DLGAP2: variants seen among roughly 807,000 people sequenced by gnomAD.
The protein encoded by DLGAP2 is DLG associated protein 2, also known as disks large-associated protein 2.
In DLGAP2, 26 loss-of-function variants were observed where a neutral mutation model predicts 100.3. The observed-to-expected ratio is 0.26, with a 90% CI of 0.19 to 0.36. The LOEUF is 0.36. Ranked by LOEUF, DLGAP2 falls within the 10% of genes least tolerant of loss-of-function variation. DLGAP2 has a pLI of 1.00. For missense variants in DLGAP2, 1,858 were observed against 1,453.2 expected, an observed-to-expected ratio of 1.28 and a Z score of -4.53; for synonymous variants, 886 against 630.1, an observed-to-expected ratio of 1.41 and a Z score of -6.08.
At chr8:966,477 T>G (rs894993223) in intron 2 of DLGAP2, among the ~76,000 whole-genome samples, 3 of 152,264 alleles carry the variant, frequency 2.0e-5, no homozygotes, top group African/African-American at 7.2e-5. Flanking sequence ...GTTGAGTTAG[T>G]AACTCTAAAT....
At chr8:845,200 A>T (rs936809320) in intron 1 of DLGAP2, among the ~76,000 whole-genome samples, 1 of 152,168 alleles carries the variant, frequency 6.6e-6, no homozygotes, top group Non-Finnish European at 1.5e-5. Flanking sequence ...AATTGTTTGA[A>T]CATTTTCAGG....
Position 770,044 on chromosome 8 carries a change from C to G in DLGAP2, c.18+32219C>G, listed in dbSNP as rs139869983. ...CTTTAAGTACGAATAATAGTAAGAA[C>G]TTACATGCATGCATCGTTTTCCTAC... On this transcript the variant is annotated intron_variant, in intron 1 of 14. Transcript: ENST00000637795. Among the ~76,000 whole-genome samples the G allele has an allele frequency of 9.2e-4, 140 of 152,336 alleles. 1 individual carries two copies. The highest frequency in any genetic ancestry group is 3.3e-3 in the African/African-American group (138 of 41,578).
chr8:1,621,313 A>G (rs942671712), intron 6 of DLGAP2: 4 of 153,020 alleles, frequency 2.6e-5, no homozygotes, highest in South Asian at 2.1e-4. Flanking sequence ...GGACCAGGGC[A>G]GAGGAGAGCC....
chr8:826,290 C>T (rs536009331), intron 1 of DLGAP2, among the ~76,000 whole-genome samples: 1 of 152,338 alleles, frequency 6.6e-6, no homozygotes, highest in East Asian at 1.9e-4. Flanking sequence ...TCAACATGGG[C>T]ATGCAGATAC....
chr8:1,195,417 T>C (rs1797730541), intron 2 of DLGAP2, among the ~76,000 whole-genome samples: 1 of 152,008 alleles, frequency 6.6e-6, no homozygotes, highest in African/African-American at 2.4e-5. Context: ...AAAAACATGG[T>C]GAAGTGTTTT....
intron 2 of DLGAP2, among the ~76,000 whole-genome samples, chr8:1,025,310 C>T (rs1362518150): frequency 9.9e-5 from 15 of 152,240 alleles, no homozygotes; most frequent in Admixed American, 5.9e-4. Context: ...AACTTCATGA[C>T]GTGTCTGAAG....
At chr8:856,688 A>G (rs1563066034) in intron 1 of DLGAP2, among the ~76,000 whole-genome samples, 1 of 152,258 alleles carries the variant, frequency 6.6e-6, no homozygotes, top group Non-Finnish European at 1.5e-5. Context: ...TAAGATCTAT[A>G]TGAGGAAAAC....
At chr8:1,595,673 C>A (rs866389081) in intron 6 of DLGAP2, among the ~76,000 whole-genome samples, 194 of 98,370 alleles carry the variant, frequency 2.0e-3, no homozygotes, top group South Asian at 5.5e-3. Context: ...GACTCCGTCT[C>A]AAAAAAAAAA....
At chr8:1,527,332 C>T (rs1800828826) in intron 4 of DLGAP2, among the ~76,000 whole-genome samples, 2 of 152,256 alleles carry the variant, frequency 1.3e-5, no homozygotes. Flanking sequence ...CCACTGATCC[C>T]CTCCGGGAGG....
chr8:790,939 C>A (rs569910015), intron 1 of DLGAP2, among the ~76,000 whole-genome samples: 1 of 152,206 alleles, frequency 6.6e-6, no homozygotes, highest in African/African-American at 2.4e-5. Flanking sequence ...GATGAGGTTT[C>A]ACCATGTTGC....
chr8:1,223,065 C>T (rs1189229543), intron 2 of DLGAP2, among the ~76,000 whole-genome samples: 7 of 152,152 alleles, frequency 4.6e-5, no homozygotes, highest in Non-Finnish European at 1.0e-4. Flanking sequence ...CCTGCCAGCT[C>T]AGAGGTCTGT....
At chr8:1,207,785 T>C (rs1037526123) in intron 2 of DLGAP2, among the ~76,000 whole-genome samples, 2 of 152,230 alleles carry the variant, frequency 1.3e-5, no homozygotes, top group African/African-American at 4.8e-5. Flanking sequence ...TGTCACACTG[T>C]GGTTTTTTTA....
chr8:1,112,237 ATTTTTTTT>A (rs4044488), intron 2 of DLGAP2, among the ~76,000 whole-genome samples: 9 of 98,030 alleles, frequency 9.2e-5, no homozygotes, highest in African/African-American at 2.4e-4. Context: ...TCCTTTGCCC[ATTTTTTTT>A]TTTTTTTTTT....
chr8:1,512,857 C>G (rs931386882), intron 4 of DLGAP2, among the ~76,000 whole-genome samples: 1 of 152,264 alleles, frequency 6.6e-6, no homozygotes, highest in Non-Finnish European at 1.5e-5. Context: ...TTCCGAATGA[C>G]CCTGATCCTG....
chr8:919,996 C>G (rs1349052900), intron 2 of DLGAP2, among the ~76,000 whole-genome samples: 1 of 152,202 alleles, frequency 6.6e-6, no homozygotes, highest in Non-Finnish European at 1.5e-5. Context: ...TGGGAGGACT[C>G]CTGGAGCTCA....
At chr8:1,571,688 T>A (rs1321329604) in intron 6 of DLGAP2, among the ~76,000 whole-genome samples, 6 of 70,954 alleles carry the variant, frequency 8.5e-5, no homozygotes, top group East Asian at 4.9e-4. Flanking sequence ...GGGGGCATCT[T>A]CTGGGATGGA....
At chr8:1,443,779 C>T (rs1028650850) in intron 3 of DLGAP2, among the ~76,000 whole-genome samples, 1 of 152,134 alleles carries the variant, frequency 6.6e-6, no homozygotes, top group Non-Finnish European at 1.5e-5. Flanking sequence ...ATTATCTCCA[C>T]CTGGCCCCAC....
chr8:951,659 G>C (rs1218743439), intron 2 of DLGAP2, among the ~76,000 whole-genome samples: 1 of 152,212 alleles, frequency 6.6e-6, no homozygotes, highest in Non-Finnish European at 1.5e-5. Context: ...CTCAGAAGAT[G>C]TGTACTGCGT....
At chr8:1,187,906 C>T (rs1457710773) in intron 2 of DLGAP2, among the ~76,000 whole-genome samples, 14 of 119,912 alleles carry the variant, frequency 1.2e-4, no homozygotes, top group East Asian at 4.7e-4. Context: ...CCGGGACCTC[C>T]GTGACATTTG....
Sources: gnomAD v4.1 joint callset for allele counts (sites outside exome capture counted in the v4.1 genomes callset) on GRCh38, gnomAD v4.1.1 for gene constraint, MANE v1.5 for transcripts, NCBI Gene and HGNC (gene_info 2026-07-23, HGNC 2026-07-21) for gene names.